The following ZNF536 variants were observed in gnomAD, a reference collection of about 807,000 sequenced individuals.
ZNF536 encodes the protein zinc finger protein 536.
Under a neutral mutation model 84.5 loss-of-function variants are expected in ZNF536, and 13 were observed. The ratio of observed to expected loss-of-function variants is 0.15; its 90% CI spans 0.10 to 0.24. The LOEUF (loss-of-function observed/expected upper bound fraction) is 0.24, where lower values mean the gene tolerates loss of function less well. Ranked by LOEUF, ZNF536 falls within the 10% of genes least tolerant of loss-of-function variation. The pLI is 1.00. For missense variants in ZNF536, 1,536 were observed against 1,747.5 expected (o/e 0.88, Z 2.16); for synonymous variants, 811 against 742.5 (o/e 1.09, Z -1.50).
At chr19:30,300,256 A>G (rs1350303346) in intron 2 of ZNF536, among the ~76,000 whole-genome samples, 6 of 152,194 alleles carry the variant, frequency 3.9e-5, no homozygotes, top group East Asian at 1.9e-4. Context: ...GGTGTTGAAC[A>G]GGAATCTTAC....
At chr19:30,434,792 G>A (rs976242502) in intron 1 of ZNF536, among the ~76,000 whole-genome samples, 5 of 152,078 alleles carry the variant, frequency 3.3e-5, no homozygotes, top group South Asian at 2.1e-4. Flanking sequence ...TGATGACGAC[G>A]ATGATGATGG....
At chr19:30,516,636 G>T (rs2145626144) in intron 2 of ZNF536, among the ~76,000 whole-genome samples, 1 of 152,186 alleles carries the variant, frequency 6.6e-6, no homozygotes, top group East Asian at 1.9e-4. Context: ...GCTCGGCTCT[G>T]TTGATGATTA....
At chr19:30,508,218 G>C (rs546388157) in intron 2 of ZNF536, among the ~76,000 whole-genome samples, 1 of 152,192 alleles carries the variant, frequency 6.6e-6, no homozygotes, top group Non-Finnish European at 1.5e-5. Flanking sequence ...ATGACCCCAG[G>C]CTTGCAGGGG....
chr19:30,566,614 C>T (rs1012882955), intron 1 of ZNF536, among the ~76,000 whole-genome samples: 3 of 152,204 alleles, frequency 2.0e-5, no homozygotes, highest in Middle Eastern at 3.4e-3. Flanking sequence ...CAGTGGAGGT[C>T]CCTGGGAGTG....
chr19:30,319,247 T>G (rs1417976558), intron 2 of ZNF536, among the ~76,000 whole-genome samples: 3 of 152,242 alleles, frequency 2.0e-5, no homozygotes, highest in Non-Finnish European at 2.9e-5. Flanking sequence ...GATGTTCAGA[T>G]GATCGTGGCA....
intron 1 of ZNF536, among the ~76,000 whole-genome samples, chr19:30,627,961 C>T (rs776668114): frequency 4.6e-5 from 7 of 152,190 alleles, no homozygotes; most frequent in Non-Finnish European, 8.8e-5. Flanking sequence ...TCTGAGTGTC[C>T]ATCACGCCTC....
At chr19:30,588,581 T>C (rs530984891) in intron 1 of ZNF536, among the ~76,000 whole-genome samples, 8 of 152,284 alleles carry the variant, frequency 5.3e-5, no homozygotes, top group African/African-American at 1.9e-4. Flanking sequence ...TTTTCTAATT[T>C]TTCTGATCCA....
At chr19:30,696,597 G>A (rs2051670076) in intron 1 of ZNF536, among the ~76,000 whole-genome samples, 1 of 152,216 alleles carries the variant, frequency 6.6e-6, no homozygotes, top group African/African-American at 2.4e-5. Flanking sequence ...CGGGCTGATG[G>A]CTCCACTCAT....
Position 30,312,899 on chromosome 19 carries a change from G to A in ZNF536, c.-120+28758G>A, listed in dbSNP as rs79633379. Among the ~76,000 whole-genome samples, 1,419 of 152,346 alleles carry A rather than the reference G, an allele frequency of 9.3e-3. 27 individuals carry two copies. The highest frequency in any genetic ancestry group is 0.032 in the African/African-American group (1,326 of 41,582). On this transcript the variant is annotated intron_variant, in intron 2 of 5. Coordinates refer to the ZNF536 transcript ENST00000585628. The stretch of plus-strand genomic sequence containing the variant: ...CTTTGCTGGGACCGTTTCCTCTTTT[G>A]CAAAATGGGTACAGTAGCATTTGCT...
intron 1 of ZNF536, among the ~76,000 whole-genome samples, chr19:30,580,561 A>T (rs1352668108): frequency 6.6e-6 from 1 of 152,116 alleles, no homozygotes; most frequent in African/African-American, 2.4e-5. Context: ...GGTATGCTGT[A>T]GTGGTGCTGG....
intron 2 of ZNF536, among the ~76,000 whole-genome samples, chr19:30,501,704 C>A (rs2054955555): frequency 6.6e-6 from 1 of 152,190 alleles, no homozygotes; most frequent in Admixed American, 6.5e-5. Context: ...ATTTGGATTG[C>A]AATAATTATT....
chr19:30,311,457 G>T (rs1298837756), intron 2 of ZNF536, among the ~76,000 whole-genome samples: 1 of 152,194 alleles, frequency 6.6e-6, no homozygotes, highest in Non-Finnish European at 1.5e-5. Context: ...ACTTTGTGGG[G>T]CCTGCACTGC....
At chr19:30,340,916 C>T (rs1461905238) in intron 2 of ZNF536, among the ~76,000 whole-genome samples, 1 of 152,168 alleles carries the variant, frequency 6.6e-6, no homozygotes, top group Admixed American at 6.5e-5. Context: ...TGTCCCTTCT[C>T]TTCTGCTGCT....
intron 1 of ZNF536, among the ~76,000 whole-genome samples, chr19:30,383,915 T>TTTCCCTTCCC (rs1322639290): frequency 2.1e-4 from 7 of 33,384 alleles, no homozygotes; most frequent in African/African-American, 9.8e-4. Context: ...CCTTTCTTCC[T>TTTCCCTTCCC]TTCCCTTCCC....
At chr19:30,261,020 C>T (rs547013819) in intron 1 of ZNF536, among the ~76,000 whole-genome samples, 23 of 152,204 alleles carry the variant, frequency 1.5e-4, no homozygotes, top group Admixed American at 2.6e-4. Flanking sequence ...AACTAGCGGC[C>T]GGGCGCGGTG....
intron 2 of ZNF536, among the ~76,000 whole-genome samples, chr19:30,297,082 T>C (rs564721793): frequency 6.6e-6 from 1 of 152,322 alleles, no homozygotes; most frequent in East Asian, 1.9e-4. Context: ...GCTTCCCCTG[T>C]ACCTAAAACA....
intron 1 of ZNF536, among the ~76,000 whole-genome samples, chr19:30,602,295 C>A (rs1488830320): frequency 1.3e-5 from 2 of 152,150 alleles, no homozygotes; most frequent in African/African-American, 4.8e-5. Flanking sequence ...CTTCTTTCAA[C>A]AAGGCTTTAT....
At chr19:30,421,664 G>A (rs772108313) in intron 1 of ZNF536, among the ~76,000 whole-genome samples, 21 of 152,146 alleles carry the variant, frequency 1.4e-4, no homozygotes, top group Admixed American at 1.1e-3. Flanking sequence ...TCTCTGGCCC[G>A]GCAAGTTCAG....
Position 30,445,956 on chromosome 19 carries a change from A to G in ZNF536, c.2170+224A>G, listed in dbSNP as rs910650044. Among the ~76,000 whole-genome samples, 2 of 152,062 alleles carry G rather than the reference A, an allele frequency of 1.3e-5. No homozygotes were observed. The highest frequency in any genetic ancestry group is 4.8e-5 in the African/African-American group (2 of 41,404). ...TCCCTTGAACACTGGCTACCAAGAA[A>G]GTAAGTTGAGGCCGGGTGTGGTGGC... On this transcript the variant is annotated intron_variant, in intron 2 of 4. Transcript: ENST00000355537. The surrounding 1 kb of genome is among the most constrained non-coding windows in gnomAD (Gnocchi z 4.5).
Sources: gnomAD v4.1 joint callset for allele counts (sites outside exome capture counted in the v4.1 genomes callset) on GRCh38, gnomAD v4.1.1 for gene constraint, Gnocchi (gnomAD v3.1) non-coding constraint, MANE v1.5 for transcripts, NCBI Gene and HGNC (gene_info 2026-07-23, HGNC 2026-07-21) for gene names.